The following MYO1D variants were observed in gnomAD, a reference collection of about 807,000 sequenced individuals.
The protein encoded by MYO1D is myosin ID, also known as unconventional myosin-Id.
MYO1D carries 83 observed loss-of-function variants against 122.0 expected under a neutral mutation model. The ratio of observed to expected loss-of-function variants is 0.68; its 90% CI spans 0.57 to 0.82. The LOEUF (loss-of-function observed/expected upper bound fraction) is 0.82. MYO1D is among the 40% of genes least tolerant of loss of function. The probability of loss-of-function intolerance (pLI) is 0.00; values close to 1 mark genes in which losing one functional copy is unlikely to be tolerated. For synonymous variants in MYO1D, 464 were observed against 446.9 expected (o/e 1.04, Z -0.48); for missense variants, 1,157 against 1,269.5 (o/e 0.91, Z 1.35).
At chr17:32,588,442 A>AT (rs1444218273) in intron 21 of MYO1D, among the ~76,000 whole-genome samples, 1 of 152,138 alleles carries the variant, frequency 6.6e-6, no homozygotes, top group Non-Finnish European at 1.5e-5. Context: ...AGTGAAGTCC[A>AT]TTTTTTTCTG....
chr17:32,589,783 G>A (rs1043409611), intron 21 of MYO1D, among the ~76,000 whole-genome samples: 2 of 152,142 alleles, frequency 1.3e-5, no homozygotes, highest in South Asian at 2.1e-4. Flanking sequence ...AATTACTAAA[G>A]GGGTGGCAAA....
chr17:32,818,339 T>G (rs2090631404), intron 1 of MYO1D, among the ~76,000 whole-genome samples: 1 of 152,102 alleles, frequency 6.6e-6, no homozygotes, highest in Non-Finnish European at 1.5e-5. Context: ...CCAGCAATGC[T>G]GAGCTGTGGT....
intron 20 of MYO1D, among the ~76,000 whole-genome samples, chr17:32,631,457 G>C (rs907616448): frequency 2.6e-5 from 4 of 152,132 alleles, no homozygotes; most frequent in Admixed American, 2.0e-4. Context: ...ACCAGCTTGG[G>C]CAACGTGAGA....
At chr17:32,854,946 G>A (rs1214142513) in intron 1 of MYO1D, among the ~76,000 whole-genome samples, 1 of 152,124 alleles carries the variant, frequency 6.6e-6, no homozygotes, top group Non-Finnish European at 1.5e-5. Context: ...GTGTACATGT[G>A]TGAGTGTAGC....
intron 19 of MYO1D, among the ~76,000 whole-genome samples, chr17:32,647,401 G>C (rs1030922434): frequency 1.3e-5 from 2 of 152,142 alleles, no homozygotes; most frequent in African/African-American, 2.4e-5. Flanking sequence ...GGAAATACAG[G>C]GACATGAATA....
chr17:32,634,396 T>C (rs2088068481), intron 20 of MYO1D, among the ~76,000 whole-genome samples: 1 of 152,216 alleles, frequency 6.6e-6, no homozygotes, highest in Non-Finnish European at 1.5e-5. Flanking sequence ...CAGTTCATGG[T>C]CTGTACGGAG....
intron 20 of MYO1D, chr17:32,632,626 C>CATATATAT (rs146987790): frequency 2.4e-5 from 2 of 83,728 alleles, no homozygotes; most frequent in Non-Finnish European, 5.7e-5. Context: ...CACACACACA[C>CATATATAT]ATATATATAT....
chr17:32,818,746 G>A (rs984261324), intron 1 of MYO1D, among the ~76,000 whole-genome samples: 2 of 152,152 alleles, frequency 1.3e-5, no homozygotes, highest in African/African-American at 4.8e-5. Context: ...TGTAAGGAAG[G>A]GTATTATATC....
At chr17:32,871,453 T>C (rs372587339) in intron 1 of MYO1D, among the ~76,000 whole-genome samples, 1 of 152,178 alleles carries the variant, frequency 6.6e-6, no homozygotes, top group Non-Finnish European at 1.5e-5. Context: ...AAAAGAGAAG[T>C]TGCATGGAGC....
chr17:32,844,886 A>G (rs2090920959), intron 1 of MYO1D, among the ~76,000 whole-genome samples: 2 of 152,198 alleles, frequency 1.3e-5, no homozygotes, highest in African/African-American at 4.8e-5. Context: ...GGAATTTTGT[A>G]TAACTTTGTA....
intron 21 of MYO1D, among the ~76,000 whole-genome samples, chr17:32,589,033 AT>A (rs150637055): frequency 0.12 from 17,767 of 152,240 alleles, 1,148 homozygotes; most frequent in East Asian, 0.23. Flanking sequence ...CTGCAAGAGA[AT>A]AAAATTCACC....
chr17:32,527,817 A>G (rs1910390322), intron 21 of MYO1D, among the ~76,000 whole-genome samples: 1 of 149,578 alleles, frequency 6.7e-6, no homozygotes, highest in South Asian at 2.1e-4. Flanking sequence ...AAACAATAAA[A>G]GCTACATAAA....
At chr17:32,849,887 C>T (rs1056217508) in intron 1 of MYO1D, among the ~76,000 whole-genome samples, 1 of 152,026 alleles carries the variant, frequency 6.6e-6, no homozygotes, top group Non-Finnish European at 1.5e-5. Context: ...CTTTTGTGTC[C>T]CTTCTACAGT....
chr17:32,674,553 A>C (rs1567942179), intron 16 of MYO1D, among the ~76,000 whole-genome samples: 1 of 152,220 alleles, frequency 6.6e-6, no homozygotes, highest in East Asian at 1.9e-4. Flanking sequence ...CTTATTCTTG[A>C]CATTTGTTTG....
intron 21 of MYO1D, among the ~76,000 whole-genome samples, chr17:32,578,040 C>T (rs2087295468): frequency 6.6e-6 from 1 of 152,138 alleles, no homozygotes; most frequent in South Asian, 2.1e-4. Context: ...CGCCCAGCCT[C>T]AGAAACATAT....
chr17:32,619,092 C>T (rs991780222), intron 20 of MYO1D, among the ~76,000 whole-genome samples: 34 of 152,148 alleles, frequency 2.2e-4, no homozygotes, highest in Admixed American at 7.9e-4. Flanking sequence ...AGTAGTTTCA[C>T]GAAAAATTCA....
At chr17:32,592,089 A>G (rs4795712) in intron 21 of MYO1D, among the ~76,000 whole-genome samples, 71,056 of 151,706 alleles carry the variant, frequency 0.47, 17,090 homozygotes, top group Middle Eastern at 0.6. Flanking sequence ...TCTTTATTAT[A>G]TCTTGCACAC....
chr17:32,607,841 T>C (rs74422259), intron 20 of MYO1D, among the ~76,000 whole-genome samples: 20,083 of 151,448 alleles, frequency 0.13, 1,570 homozygotes, highest in Middle Eastern at 0.24. Context: ...CTCACGTGAA[T>C]ATGGCCAATA....
At chr17:32,873,739 T>C (rs2091203112) in intron 1 of MYO1D, among the ~76,000 whole-genome samples, 1 of 152,178 alleles carries the variant, frequency 6.6e-6, no homozygotes, top group Non-Finnish European at 1.5e-5. Context: ...AAGTAAGTCA[T>C]GAACAATCAC....
Sources: gnomAD v4.1 joint callset for allele counts (sites outside exome capture counted in the v4.1 genomes callset) on GRCh38, gnomAD v4.1.1 for gene constraint, MANE v1.5 for transcripts, NCBI Gene and HGNC (gene_info 2026-07-23, HGNC 2026-07-21) for gene names.